RABGAP1L: variants seen among roughly 807,000 people sequenced by gnomAD.
The protein encoded by RABGAP1L is RAB GTPase activating protein 1 like.
A neutral mutation model predicts 137.7 loss-of-function variants in RABGAP1L; 63 were observed. That is an observed-to-expected ratio of 0.46 (90% confidence interval 0.37 to 0.56). RABGAP1L has a LOEUF of 0.56. RABGAP1L is among the 20% of genes least tolerant of loss of function. The pLI, the probability that RABGAP1L is intolerant of heterozygous loss-of-function variation, is 0.00. For missense variants in RABGAP1L, 1,095 were observed against 1,244.0 expected, an observed-to-expected ratio of 0.88 and a Z score of 1.80; for synonymous variants, 431 against 433.7, an observed-to-expected ratio of 0.99 and a Z score of 0.08.
chr1:174,297,478 C>CAT (rs1316743595), intron 10 of RABGAP1L, among the ~76,000 whole-genome samples: 1 of 152,184 alleles, frequency 6.6e-6, no homozygotes, highest in Non-Finnish European at 1.5e-5. Context: ...GGGCGAACTT[C>CAT]TCGAGTTCCA....
chr1:174,720,470 T>C (rs1409648411), intron 17 of RABGAP1L, among the ~76,000 whole-genome samples: 2 of 151,990 alleles, frequency 1.3e-5, no homozygotes, highest in Non-Finnish European at 2.9e-5. Context: ...CATGCCACTA[T>C]GGGCCTGGCT....
chr1:174,674,276 C>A (rs1572760768), intron 14 of RABGAP1L, among the ~76,000 whole-genome samples: 1 of 136,100 alleles, frequency 7.3e-6, no homozygotes, highest in East Asian at 2.3e-4. Flanking sequence ...GTGTGATGTT[C>A]CCCTTCCTGT....
At chr1:174,243,197 G>T (rs1248271606) in intron 5 of RABGAP1L, 1 of 152,118 alleles carries the variant, frequency 6.6e-6, no homozygotes, top group Non-Finnish European at 1.5e-5. Context: ...ACTGTCTTTT[G>T]GATTGTAGCA....
chr1:174,882,440 G>C (rs977091754), intron 19 of RABGAP1L, among the ~76,000 whole-genome samples: 6 of 152,100 alleles, frequency 3.9e-5, no homozygotes, highest in African/African-American at 9.7e-5. Flanking sequence ...CTTGCAAGCT[G>C]TTACATACAC....
intron 13 of RABGAP1L, among the ~76,000 whole-genome samples, chr1:174,607,024 T>G (rs1670841968): frequency 6.6e-6 from 1 of 152,198 alleles, no homozygotes; most frequent in Non-Finnish European, 1.5e-5. Flanking sequence ...ATTAGTAATC[T>G]GGGTAGGACT....
At chr1:174,818,054 A>G (rs578129536) in intron 19 of RABGAP1L, among the ~76,000 whole-genome samples, 12 of 152,364 alleles carry the variant, frequency 7.9e-5, no homozygotes, top group African/African-American at 2.9e-4. Flanking sequence ...CACAACTCAT[A>G]TCCAAGTAGA....
chr1:174,769,365 T>C (rs1048911158), intron 18 of RABGAP1L, among the ~76,000 whole-genome samples: 2 of 152,056 alleles, frequency 1.3e-5, no homozygotes, highest in Admixed American at 1.3e-4. Context: ...ATTGGTGTCA[T>C]GCAAAAAACC....
intron 19 of RABGAP1L, among the ~76,000 whole-genome samples, chr1:174,870,768 C>A (rs554066003): frequency 6.8e-6 from 1 of 147,576 alleles, no homozygotes; most frequent in African/African-American, 2.5e-5. Context: ...GATGGAGTCT[C>A]GCTCTGTTGC....
At chr1:174,928,223 C>T (rs1663156155) in intron 19 of RABGAP1L, among the ~76,000 whole-genome samples, 1 of 152,098 alleles carries the variant, frequency 6.6e-6, no homozygotes, top group Non-Finnish European at 1.5e-5. Flanking sequence ...TTTTTCCAGG[C>T]CCAGCCAAGC....
chr1:174,612,643 C>A (rs1294677884), intron 13 of RABGAP1L, among the ~76,000 whole-genome samples: 3 of 152,150 alleles, frequency 2.0e-5, no homozygotes, highest in African/African-American at 7.2e-5. Context: ...ACCAGTTACT[C>A]CTTGTACCTC....
intron 13 of RABGAP1L, among the ~76,000 whole-genome samples, chr1:174,573,207 G>C (rs994764513): frequency 2.7e-5 from 4 of 147,550 alleles, no homozygotes; most frequent in South Asian, 2.1e-4. Context: ...GTATATATGT[G>C]TGACATATAT....
intron 13 of RABGAP1L, among the ~76,000 whole-genome samples, chr1:174,406,537 A>AT (rs1370864146): frequency 6.6e-6 from 1 of 152,214 alleles, no homozygotes; most frequent in East Asian, 1.9e-4. Context: ...TGTTAGTCAA[A>AT]TAACAATACT....
At chr1:174,936,087 T>G (rs574094313) in intron 19 of RABGAP1L, among the ~76,000 whole-genome samples, 1 of 150,522 alleles carries the variant, frequency 6.6e-6, no homozygotes, top group African/African-American at 2.4e-5. Flanking sequence ...AGAAAATATA[T>G]CCAGAAAAAA....
chr1:174,413,550 G>T (rs1232070271), intron 13 of RABGAP1L, among the ~76,000 whole-genome samples: 1 of 152,042 alleles, frequency 6.6e-6, no homozygotes, highest in Non-Finnish European at 1.5e-5. Context: ...TCTTGTACTG[G>T]TTCCTTCTCA....
intron 1 of RABGAP1L, among the ~76,000 whole-genome samples, chr1:174,186,521 T>G (rs1219488750): frequency 6.6e-6 from 1 of 152,220 alleles, no homozygotes. Context: ...ATCTGTCTAC[T>G]ATATAGATCC....
intron 19 of RABGAP1L, among the ~76,000 whole-genome samples, chr1:174,836,346 C>G (rs1692751623): frequency 6.6e-6 from 1 of 152,060 alleles, no homozygotes; most frequent in Non-Finnish European, 1.5e-5. Flanking sequence ...CTGTTTTTCT[C>G]TCTCCCTCTG....
In RABGAP1L at chr1:174,763,149, C is replaced by G. The variant is rs1685367253; in HGVS notation, c.2211+10795C>G. ...TTTAAAAACCTTGAAATTAATTGCTCTTGTCCCCAGTATTTAGCTTCTCTC... is the reference window on the plus strand; with the variant it reads ...TTTAAAAACCTTGAAATTAATTGCTGTTGTCCCCAGTATTTAGCTTCTCTC... On this transcript the variant is annotated intron_variant, in intron 18 of 25. Transcript: ENST00000681986. Among the ~76,000 whole-genome samples, 2 of 152,054 alleles carry G rather than the reference C, an allele frequency of 1.3e-5. 1 individual carries two copies. The highest frequency in any genetic ancestry group is 6.8e-3 in the Middle Eastern group (2 of 294).
intron 19 of RABGAP1L, among the ~76,000 whole-genome samples, chr1:174,878,357 G>C (rs1653500212): frequency 6.6e-6 from 1 of 152,170 alleles, no homozygotes. Flanking sequence ...CTCCCTAGTA[G>C]CTGGGATTAC....
chr1:174,877,632 G>C (rs748897372), intron 19 of RABGAP1L: 3 of 1,599,680 alleles, frequency 1.9e-6, no homozygotes, highest in Non-Finnish European at 2.6e-6. Context: ...ACACTACTCT[G>C]GTTCTGTATT....
Sources: allele counts gnomAD v4.1 joint callset (sites outside exome capture counted in the v4.1 genomes callset), GRCh38; gene constraint gnomAD v4.1.1; transcripts MANE v1.5; gene names NCBI Gene and HGNC (gene_info 2026-07-23, HGNC 2026-07-21).